BMI1: variants seen among roughly 807,000 people sequenced by gnomAD.
The protein encoded by BMI1 is polycomb complex protein BMI-1.
BMI1 carries 9 observed loss-of-function variants against 39.1 expected under a neutral mutation model. The observed-to-expected ratio is 0.23, with a 90% CI of 0.14 to 0.40. The LOEUF (loss-of-function observed/expected upper bound fraction) is 0.40. BMI1 is among the 10% of genes least tolerant of loss of function. BMI1 has a pLI of 1.00. For missense variants in BMI1, 252 were observed against 390.8 expected (o/e 0.64, Z 2.99); for synonymous variants, 131 against 127.9 (o/e 1.02, Z -0.16).
chr10:22,325,791 G>A (rs1049064359), intron 1 of BMI1: 5 of 152,028 alleles, frequency 3.3e-5, no homozygotes, highest in African/African-American at 1.2e-4. Flanking sequence ...CGGAGCCCCG[G>A]GCGCCGCCGG....
rs1220579204 is a variant in BMI1 at position 22,321,204 on chromosome 10, TC to T, written c.-507del. 1.6e-5 allele frequency: 1 copy of T among 62,466 alleles called. No individual in the cohort carries two copies. The highest frequency in any genetic ancestry group is 3.5e-5 in the Non-Finnish European group (1 of 28,548). The allele number at this position is 62,466 out of a possible 1,614,324, so 3.9% of individuals were successfully genotyped here. On this transcript the variant is annotated 5_prime_UTR_variant, in exon 1 of 10. Coordinates refer to ENST00000376663, the MANE Select transcript of BMI1 (RefSeq NM_005180.9). ...ACACGGCGCCCCCCGCCCGCCCGCC[TC>T]CCCCACAGCAACTATGAAATAATCG... is the stretch of plus-strand genomic sequence containing the variant.
Position 22,328,596 on chromosome 10 carries a change from T to C in BMI1, c.472-4T>C. On this transcript the variant is annotated splice_polypyrimidine_tract_variant and splice_region_variant and intron_variant, in intron 7 of 9. Coordinates refer to ENST00000376663, the MANE Select transcript of BMI1 (RefSeq NM_005180.9). ...AAAAGTTACTTTTCTAAATGTACTT[T>C]TAGGTGAATGATAAAAGATACTTAC... The C allele has an allele frequency of 3.1e-6, 5 of 1,589,214 alleles. No homozygotes were observed. The highest frequency in any genetic ancestry group is 4.3e-6 in the Non-Finnish European group (5 of 1,172,088).
At chr10:22,325,967 T>G (rs1232757397) in intron 1 of BMI1, 1 of 152,422 alleles carries the variant, frequency 6.6e-6, no homozygotes, top group African/African-American at 2.4e-5. Context: ...ACGTGCCAGG[T>G]TCTGCTTGCT....
intron 2 of BMI1, 156 bp from the exon 3 acceptor site, chr10:22,326,734 C>T: frequency 2.3e-6 from 3 of 1,296,452 alleles, no homozygotes; most frequent in South Asian, 2.9e-5. Flanking sequence ...GATTGTATTA[C>T]AAGCATGCAA....
chr10:22,324,557 AAG>A (rs1226032932), intron 1 of BMI1, among the ~76,000 whole-genome samples: 2 of 152,212 alleles, frequency 1.3e-5, no homozygotes, highest in Non-Finnish European at 2.9e-5. Flanking sequence ...TCACTTTCAT[AAG>A]AGAGGCTTTG....
At chr10:22,326,351 C>T (rs1451421020) in intron 1 of BMI1, 80 bp from the exon 2 acceptor site, 2 of 1,564,156 alleles carry the variant, frequency 1.3e-6, no homozygotes, top group Admixed American at 1.7e-5. Flanking sequence ...TTTATAAATT[C>T]AGTGTTTCAG....
chr10:22,321,831 G>A (rs1237460411), intron 1 of BMI1, 135 bp downstream of exon 1: 2 of 143,222 alleles, frequency 1.4e-5, no homozygotes, highest in Non-Finnish European at 3.1e-5. Context: ...CTGACAGCGT[G>A]GGCGCCCGGC....
At chr10:22,325,194 C>T (rs1836104037) in intron 1 of BMI1, among the ~76,000 whole-genome samples, 1 of 152,204 alleles carries the variant, frequency 6.6e-6, no homozygotes, top group Admixed American at 6.5e-5. Context: ...TACAGGAGAG[C>T]GTCACATTAG....
At position 22,328,029 on chromosome 10, in the gene BMI1, C is replaced by T. The variant is rs751872564; in HGVS notation, c.396C>T (p.Ser132=). ...KRIITDDEII[S]LSIEFFDQNR... The stretch of plus-strand genomic sequence containing the variant: ...TTATAACTGATGATGAGATAATAAG[C>T]TTATCCATTGAATTCTTTGACCAGA... The change falls in exon 6 of 10, where the codon AGC becomes AGT. Residue 132 remains serine, a synonymous_variant. Transcript: ENST00000376663. 33 of 1,609,846 alleles carry T rather than the reference C, an allele frequency of 2.0e-5. No individual in the cohort carries two copies. Among genetic ancestry groups the T allele is most frequent in the Admixed American group, 1.7e-4 (10 of 59,334 alleles).
At chr10:22,323,556 A>T (rs1038853636) in intron 1 of BMI1, among the ~76,000 whole-genome samples, 8 of 152,218 alleles carry the variant, frequency 5.3e-5, no homozygotes, top group Non-Finnish European at 8.8e-5. Flanking sequence ...ACCCATGCTT[A>T]TGTTGGGCTG....
At chr10:22,322,486 T>G (rs187259870) in intron 1 of BMI1, among the ~76,000 whole-genome samples, 34 of 152,266 alleles carry the variant, frequency 2.2e-4, no homozygotes, top group Non-Finnish European at 3.8e-4. Context: ...GTTTTCAAGG[T>G]GGTGTGTGTT....
At chr10:22,326,370 A>G in intron 1 of BMI1, 61 bp from the exon 2 acceptor site, 2 of 1,595,752 alleles carry the variant, frequency 1.3e-6, no homozygotes, top group Non-Finnish European at 1.7e-6. Context: ...AGGGTTTGTG[A>G]TTACTAGATG....
chr10:22,326,797 C>T, intron 2 of BMI1, 93 bp from the exon 3 acceptor site: 1 of 1,482,222 alleles, frequency 6.7e-7, no homozygotes, highest in Non-Finnish European at 9.3e-7. Flanking sequence ...ATGCCTTTCA[C>T]CATCTTGTTT....
rs1047006646 is a variant in BMI1 at position 22,330,417 on chromosome 10, A to G, written c.*875A>G. ...CCAGCAAAGAATATTTTTAATGTGG[A>G]TATCTAATTCTAAAGTCTGTTCCAT... On this transcript the variant is annotated 3_prime_UTR_variant, in exon 10 of 10. Transcript: ENST00000376663. The G allele has an allele frequency of 1.3e-5, 2 of 152,600 alleles. No homozygotes were observed. Among genetic ancestry groups the G allele is most frequent in the South Asian group, 2.1e-4 (1 of 4,836 alleles). 9.5% of individuals were successfully genotyped at this position (152,600 alleles called of 1,614,324 possible).
chr10:22,321,943 C>T (rs1329071185), intron 1 of BMI1, among the ~76,000 whole-genome samples: 1 of 145,094 alleles, frequency 6.9e-6, no homozygotes, highest in Non-Finnish European at 1.5e-5. Context: ...TCCCGCGGCG[C>T]CGGGACCGAC....
At position 22,325,113 on chromosome 10, in the gene BMI1, G is replaced by A. The variant is rs78457161; in HGVS notation, c.-19-1318G>A. Among the ~76,000 whole-genome samples the A allele has an allele frequency of 2.0e-5, 3 of 152,336 alleles. No individual in the cohort carries two copies. The East Asian group carries it at 5.8e-4, about 29-fold the overall frequency. ...TTGTCCAAATAAAACACTGGGCTTTGCCCTCTCCTCTTCTTGTAAAACAGA... is the reference window on the plus strand; with the variant it reads ...TTGTCCAAATAAAACACTGGGCTTTACCCTCTCCTCTTCTTGTAAAACAGA... On this transcript the variant is annotated intron_variant, in intron 1 of 9. Coordinates refer to ENST00000376663, the MANE Select transcript of BMI1 (RefSeq NM_005180.9).
chr10:22,321,748 C>T (rs1274589147), intron 1 of BMI1, 52 bp downstream of exon 1: 1 of 148,112 alleles, frequency 6.8e-6, no homozygotes, highest in Admixed American at 6.7e-5. Flanking sequence ...CGGCGGGGGC[C>T]GCGCGGGGCT....
Position 22,328,550 on chromosome 10 carries a change from T to C in BMI1, c.472-50T>C. ...TTCAAGCAATCAAATTGAAACTTTC[T>C]TCATATCTTAAAGTAACTGAAAAAG... On this transcript the variant is annotated intron_variant, in intron 7 of 9. Coordinates refer to ENST00000376663, the MANE Select transcript of BMI1 (RefSeq NM_005180.9). 3 of 1,552,820 alleles carry C rather than the reference T, an allele frequency of 1.9e-6. No homozygotes were observed. In the South Asian group the frequency reaches 3.7e-5, roughly 19 times the overall value.
At chr10:22,328,437 T>C (rs1836207642) in intron 7 of BMI1, among the ~76,000 whole-genome samples, 163 bp from the exon 8 acceptor site, 1 of 152,088 alleles carries the variant, frequency 6.6e-6, no homozygotes, top group African/African-American at 2.4e-5. Context: ...ATCTGTTCAT[T>C]TAGTATTTGT....
Sources: gnomAD v4.1 joint callset for allele counts (sites outside exome capture counted in the v4.1 genomes callset) on GRCh38, gnomAD v4.1.1 for gene constraint, MANE v1.5 for transcripts, NCBI Gene and HGNC (gene_info 2026-07-23, HGNC 2026-07-21) for gene names.